DCAF6: variants seen among roughly 807,000 people sequenced by gnomAD.
DCAF6 encodes the protein DDB1- and CUL4-associated factor 6.
Under a neutral mutation model 125.1 loss-of-function variants are expected in DCAF6, and 54 were observed. The observed-to-expected ratio is 0.43, with a 90% CI of 0.35 to 0.54. DCAF6 has a LOEUF of 0.54. Ranked by LOEUF, DCAF6 falls within the 20% of genes least tolerant of loss-of-function variation. The pLI is 0.01. For missense variants in DCAF6, 934 were observed against 1,161.7 expected (o/e 0.80, Z 2.85); for synonymous variants, 371 against 390.4 (o/e 0.95, Z 0.58).
chr1:168,072,296 A>G (rs1430635936), intron 21 of DCAF6, among the ~76,000 whole-genome samples: 12 of 9,782 alleles, frequency 1.2e-3, no homozygotes, highest in Admixed American at 2.8e-3. Flanking sequence ...AATCAGTCTA[A>G]AAAAAAAAAA....
chr1:168,023,340 G>A (rs955996028), intron 12 of DCAF6: 1 of 464,762 alleles, frequency 2.2e-6, no homozygotes, highest in Middle Eastern at 5.8e-4. Context: ...TAAATTCTAG[G>A]TATCTGTCAT....
At chr1:167,867,522 G>C in the DCAF6 span, among the ~76,000 whole-genome samples, 1,042 of 152,262 alleles carry the variant, frequency 6.8e-3, 9 homozygotes, top group Admixed American at 0.011. Context: ...AAAGAAACTT[G>C]TTTGTATAAT....
chr1:167,924,965 C>T, the DCAF6 span, among the ~76,000 whole-genome samples: 1 of 152,144 alleles, frequency 6.6e-6, no homozygotes, highest in East Asian at 1.9e-4. Flanking sequence ...TAACATTAAG[C>T]AGCAAAATTT....
chr1:167,963,292 A>G (rs931316525), intron 2 of DCAF6, among the ~76,000 whole-genome samples: 2 of 152,028 alleles, frequency 1.3e-5, no homozygotes, highest in Admixed American at 6.6e-5. Flanking sequence ...ATAATTTTTA[A>G]TTTAGACTAT....
chr1:167,867,080 C>G, the DCAF6 span, among the ~76,000 whole-genome samples: 3 of 152,172 alleles, frequency 2.0e-5, no homozygotes, highest in Non-Finnish European at 2.9e-5. Context: ...CCCACATAAC[C>G]ATTGAAGTTT....
At chr1:167,966,759 A>G (rs1676475995) in intron 3 of DCAF6, 38 bp downstream of exon 3, 1 of 1,267,636 alleles carries the variant, frequency 7.9e-7, no homozygotes, top group Non-Finnish European at 1.1e-6. Flanking sequence ...TAATGAGAGA[A>G]AAAAAATCAA....
At position 168,012,308 on chromosome 1, in the gene DCAF6, T is replaced by C. The variant is rs558769724; in HGVS notation, c.1379-3473T>C. Among the ~76,000 whole-genome samples, 5 of 152,322 alleles carry C rather than the reference T, an allele frequency of 3.3e-5. No individual in the cohort carries two copies. The East Asian group carries it at 9.6e-4, about 29-fold the overall frequency. The stretch of plus-strand genomic sequence containing the variant: ...TGTAGCTGTTTTTGTTGTTCTTCTG[T>C]CTCACTGGAATTAAGTCATTAGGAG... On this transcript the variant is annotated intron_variant, in intron 10 of 21. Coordinates refer to ENST00000367840, the MANE Select transcript of DCAF6 (RefSeq NM_001198956.2).
intron 12 of DCAF6, among the ~76,000 whole-genome samples, chr1:168,035,058 TTG>T (rs1300650980): frequency 5.9e-5 from 9 of 152,222 alleles, no homozygotes; most frequent in African/African-American, 2.2e-4. Flanking sequence ...ACCTGATAGG[TTG>T]TATATGACCA....
In DCAF6 at chr1:167,942,558, A is replaced by G. The variant is rs182643323; in HGVS notation, c.97+5550A>G. ...TTCTGTCAGTTTATGTCTTTTTCTTAACAGGTTCTTTTATAGTTCATACTT... is the reference window on the plus strand; with the variant it reads ...TTCTGTCAGTTTATGTCTTTTTCTTGACAGGTTCTTTTATAGTTCATACTT... On this transcript the variant is annotated intron_variant, in intron 1 of 21. Coordinates refer to ENST00000367840, the MANE Select transcript of DCAF6 (RefSeq NM_001198956.2). Among the ~76,000 whole-genome samples, 31 of 152,316 alleles carry G rather than the reference A, an allele frequency of 2.0e-4. No individual in the cohort carries two copies. The East Asian group carries it at 5.4e-3, about 27-fold the overall frequency.
At chr1:168,015,724 C>G (rs1684879872) in intron 10 of DCAF6, 57 bp from the exon 11 acceptor site, 1 of 1,326,202 alleles carries the variant, frequency 7.5e-7, no homozygotes, top group Non-Finnish European at 9.9e-7. Context: ...TAATCAAATT[C>G]TTATTATTTT....
intron 2 of DCAF6, among the ~76,000 whole-genome samples, chr1:167,957,710 T>C (rs1183896468): frequency 6.6e-6 from 1 of 152,038 alleles, no homozygotes; most frequent in African/African-American, 2.4e-5. Context: ...GTATCAAAAC[T>C]GTTTTCCAAA....
intron 12 of DCAF6, among the ~76,000 whole-genome samples, chr1:168,028,510 T>G (rs1191920488): frequency 1.3e-5 from 2 of 152,326 alleles, no homozygotes; most frequent in East Asian, 3.9e-4. Context: ...GCACTAATTT[T>G]CTGTTATAGA....
the DCAF6 span, chr1:167,901,870 T>C: frequency 6.2e-7 from 1 of 1,613,102 alleles, no homozygotes; most frequent in Non-Finnish European, 8.5e-7. Context: ...TTGTATGAGA[T>C]CTGTATAGAA....
intron 21 of DCAF6, among the ~76,000 whole-genome samples, chr1:168,074,711 T>G (rs185638560): frequency 6.6e-6 from 1 of 152,140 alleles, no homozygotes; most frequent in East Asian, 1.9e-4. Flanking sequence ...CAGGAAAAGT[T>G]TCACCAAGGG....
chr1:168,049,646 ATTTTTTTTTTTTTTTTTTT>A, intron 16 of DCAF6, among the ~76,000 whole-genome samples: 1 of 90,294 alleles, frequency 1.1e-5, no homozygotes, highest in Admixed American at 1.2e-4. Context: ...TCTGCATATA[ATTTTTTTTTTTTTTTTTTT>A]TTTTTTTGGA....
chr1:167,900,829 G>C, the DCAF6 span, among the ~76,000 whole-genome samples: 1 of 152,200 alleles, frequency 6.6e-6, no homozygotes, highest in Non-Finnish European at 1.5e-5. Context: ...ACTGCACCTG[G>C]CCTTATTTGG....
chr1:168,044,868 C>A (rs759621559), intron 15 of DCAF6, 32 bp from the exon 16 acceptor site: 2 of 1,600,140 alleles, frequency 1.2e-6, no homozygotes, highest in African/African-American at 1.3e-5. Flanking sequence ...CCCACATTAC[C>A]ACCTGTTACA....
rs200954948 is a variant in DCAF6, at chr1:167,974,949, C to T, written c.372C>T (p.Asn124=). ...GAGATGGAGTAATATTTTATACCAA[C>T]GTTGAGCAAGATGCAGAAACCAACA... ...CSGDGVIFYT[N]VEQDAETNRQ... The change falls in exon 4 of 22, where the codon AAC becomes AAT. Residue 124 remains asparagine (N), a synonymous_variant. Transcript: ENST00000367840. 13 of 1,608,614 alleles carry T rather than the reference C, an allele frequency of 8.1e-6. No individual in the cohort carries two copies. The East Asian group carries it at 1.6e-4, about 19-fold the overall frequency.
the DCAF6 span, among the ~76,000 whole-genome samples, chr1:167,877,351 A>T: frequency 5.3e-5 from 8 of 151,688 alleles, no homozygotes; most frequent in Admixed American, 4.6e-4. Flanking sequence ...ACTGCACTTT[A>T]TTGATGGCCT....
Sources: gnomAD v4.1 joint callset for allele counts (sites outside exome capture counted in the v4.1 genomes callset) on GRCh38, gnomAD v4.1.1 for gene constraint, MANE v1.5 for transcripts, NCBI Gene and HGNC (gene_info 2026-07-23, HGNC 2026-07-21) for gene names.